Variants in PLAA observed in about 807,000 individuals in gnomAD.
PLAA encodes the protein phospholipase A2 activating protein, also known as phospholipase A-2-activating protein.
In PLAA, 48 loss-of-function variants were observed where a neutral mutation model predicts 84.1. The ratio of observed to expected loss-of-function variants is 0.57; its 90% CI spans 0.45 to 0.73. PLAA has a LOEUF of 0.73. Ranked by LOEUF, PLAA falls within the 30% of genes least tolerant of loss-of-function variation. PLAA has a pLI of 0.00. For synonymous variants in PLAA, 392 were observed against 336.6 expected (o/e 1.16, Z -1.80); for missense variants, 903 against 954.7 (o/e 0.95, Z 0.71).
chr9:26,911,306 C>T (rs1015217055), intron 11 of PLAA, among the ~76,000 whole-genome samples: 4 of 152,164 alleles, frequency 2.6e-5, no homozygotes, highest in African/African-American at 7.2e-5. Context: ...GCATGAGCTA[C>T]CACGCCCGGC....
chr9:26,928,569 A>C (rs1226887025), intron 2 of PLAA, among the ~76,000 whole-genome samples, 161 bp from the exon 3 acceptor site: 2 of 152,268 alleles, frequency 1.3e-5, no homozygotes, highest in Non-Finnish European at 2.9e-5. Flanking sequence ...ACAGTGGTCA[A>C]GAGCAGACTC....
At chr9:26,913,772 A>AAAT (rs1824464644) in intron 11 of PLAA, 107 bp downstream of exon 11, 1 of 754,860 alleles carries the variant, frequency 1.3e-6, no homozygotes, top group African/African-American at 1.8e-5. Flanking sequence ...TTACTATATA[A>AAAT]AAAGTTCTCA....
In PLAA at chr9:26,905,586, T is replaced by C; in HGVS notation, c.2313A>G (p.Gln771=). 6.2e-7 allele frequency: 1 copy of C among 1,614,110 alleles called. No individual in the cohort carries two copies. The part of the protein sequence containing the change: ...QLAKSLGVDS[Q]IKKYSSVSEP... ...CTGATACTGAGGAATACTTTTTTAT[T>C]TGAGAATCAACACCTAAAGACTTGG... is the stretch of plus-strand genomic sequence containing the variant. The change falls in exon 14 of 14, where the codon CAA becomes CAG. Residue 771 remains glutamine (Q), a synonymous_variant. Transcript: ENST00000397292.
chr9:26,924,890 A>C (rs1824890711), intron 6 of PLAA, among the ~76,000 whole-genome samples: 1 of 152,168 alleles, frequency 6.6e-6, no homozygotes, highest in African/African-American at 2.4e-5. Context: ...ACTAAGCTCC[A>C]GTTCAAATGA....
At chr9:26,926,356 T>C (rs2131393463) in intron 5 of PLAA, 37 bp downstream of exon 5, 1 of 1,406,526 alleles carries the variant, frequency 7.1e-7, no homozygotes, top group Non-Finnish European at 1.0e-6. Flanking sequence ...TAATGCTCAA[T>C]ACAAAACATT....
At chr9:26,929,310 G>A (rs1825091410) in intron 2 of PLAA, among the ~76,000 whole-genome samples, 2 of 152,064 alleles carry the variant, frequency 1.3e-5, no homozygotes, top group African/African-American at 4.8e-5. Context: ...GGGCAATATA[G>A]TGAGACTCCA....
chr9:26,907,756 C>T (rs1563904290), intron 13 of PLAA, 78 bp downstream of exon 13: 9 of 1,268,770 alleles, frequency 7.1e-6, no homozygotes, highest in Non-Finnish European at 1.0e-5. Context: ...ATTTAATCCA[C>T]AAATACCAGT....
At chr9:26,923,398 C>T (rs1283751846) in intron 6 of PLAA, 51 bp from the exon 7 acceptor site, 5 of 1,238,938 alleles carry the variant, frequency 4.0e-6, no homozygotes, top group African/African-American at 1.5e-5. Flanking sequence ...AATACATTAA[C>T]ATTATCACAC....
intron 2 of PLAA, among the ~76,000 whole-genome samples, chr9:26,934,419 C>CCAGACT (rs1825288233): frequency 6.6e-6 from 1 of 151,614 alleles, no homozygotes; most frequent in Non-Finnish European, 1.5e-5. Flanking sequence ...TAGTTAAAAA[C>CCAGACT]CAGACTCATG....
chr9:26,903,611 G>T lies in PLAA; in HGVS notation c.*1900C>A, dbSNP rs944822316. ...TAAATATTTATTACTTTTGTATTCA[G>T]AAAAAACATTAAGAGAATCATAGGA... On this transcript the variant is annotated 3_prime_UTR_variant, in exon 14 of 14. Transcript: ENST00000397292. Among the ~76,000 whole-genome samples the T allele has an allele frequency of 1.3e-5, 2 of 152,012 alleles. No individual in the cohort carries two copies. Among genetic ancestry groups the T allele is most frequent in the Non-Finnish European group, 2.9e-5 (2 of 67,966 alleles).
At chr9:26,927,988 C>T (rs887652047) in intron 4 of PLAA, 112 bp downstream of exon 4, 1 of 1,166,832 alleles carries the variant, frequency 8.6e-7, no homozygotes, top group Admixed American at 2.4e-5. Flanking sequence ...AAATTAATAG[C>T]TTAAATATAC....
intron 12 of PLAA, among the ~76,000 whole-genome samples, chr9:26,909,504 A>G (rs1413203979): frequency 6.6e-6 from 1 of 152,222 alleles, no homozygotes; most frequent in African/African-American, 2.4e-5. Flanking sequence ...TTTGTGGCAA[A>G]CAAAGCTAAT....
rs527325876 is a variant in PLAA at position 26,939,110 on chromosome 9, C to T, written c.150-3904G>A. ...GAATTTAAACATAAATAAACTAGGCCGGGCGCCGTGGCTCACGCCTGTAAT... is the reference window on the plus strand; with the variant it reads ...GAATTTAAACATAAATAAACTAGGCTGGGCGCCGTGGCTCACGCCTGTAAT... On this transcript the variant is annotated intron_variant, in intron 1 of 13. Transcript: ENST00000397292. Among the ~76,000 whole-genome samples the T allele has an allele frequency of 9.2e-5, 14 of 152,250 alleles. No homozygotes were observed. In the East Asian group the frequency reaches 1.7e-3, roughly 19 times the overall value.
chr9:26,908,357 G>A (rs749539296), intron 12 of PLAA, among the ~76,000 whole-genome samples: 1 of 151,540 alleles, frequency 6.6e-6, no homozygotes, highest in Non-Finnish European at 1.5e-5. Flanking sequence ...TAGTAGAGAC[G>A]GGGTTTCACC....
At chr9:26,912,727 G>A (rs1824436069) in intron 11 of PLAA, among the ~76,000 whole-genome samples, 1 of 152,082 alleles carries the variant, frequency 6.6e-6, no homozygotes, top group African/African-American at 2.4e-5. Flanking sequence ...AAGTAGATAT[G>A]ACCTCAACTT....
In PLAA at chr9:26,916,010, A is replaced by T. The variant is rs547030857; in HGVS notation, c.1486+1087T>A. The T allele has an allele frequency of 6.1e-6, 6 of 985,412 alleles. No individual in the cohort carries two copies. The South Asian group carries it at 2.8e-4, about 46-fold the overall frequency. 61.0% of individuals were successfully genotyped at this position (985,412 alleles called of 1,614,324 possible). The stretch of plus-strand genomic sequence containing the variant: ...GTTATCAAAGACTTCCTTAACAGCC[A>T]CTGTGCCATAACAGCATTTAGTGTG... On this transcript the variant is annotated intron_variant, in intron 10 of 13. Transcript: ENST00000397292.
chr9:26,916,581 ACTT>A (rs1298368841), intron 10 of PLAA: 1 of 986,780 alleles, frequency 1.0e-6, no homozygotes. Flanking sequence ...GCCTGGGGAG[ACTT>A]CTTGATTGTA....
At chr9:26,915,802 T>G in intron 10 of PLAA, 1 of 985,440 alleles carries the variant, frequency 1.0e-6, no homozygotes, top group South Asian at 4.7e-5. Context: ...GGAGTTTTCT[T>G]GATTTTGCTG....
intron 2 of PLAA, among the ~76,000 whole-genome samples, chr9:26,930,567 GTTACATCACTGAGAT>G: frequency 6.7e-6 from 1 of 149,988 alleles, no homozygotes; most frequent in East Asian, 2.0e-4. Flanking sequence ...ATACTCATAT[GTTACATCACTGAGAT>G]TTTTTTTTTT....
Sources: allele counts gnomAD v4.1 joint callset (sites outside exome capture counted in the v4.1 genomes callset), GRCh38; gene constraint gnomAD v4.1.1; transcripts MANE v1.5; gene names NCBI Gene and HGNC (gene_info 2026-07-23, HGNC 2026-07-21).